The following CBX3 variants were observed in gnomAD, a reference collection of about 807,000 sequenced individuals.
The protein encoded by CBX3 is chromobox 3, also known as chromobox protein homolog 3.
A neutral mutation model predicts 22.6 loss-of-function variants in CBX3; 5 were observed. The ratio of observed to expected loss-of-function variants is 0.22; its 90% CI spans 0.12 to 0.47. CBX3 has a LOEUF of 0.47. CBX3 is among the 20% of genes least tolerant of loss of function. The probability of loss-of-function intolerance (pLI) is 0.99; values close to 1 mark genes in which losing one functional copy is unlikely to be tolerated. For synonymous variants in CBX3, 50 were observed against 66.6 expected (o/e 0.75, Z 1.21); for missense variants, 83 against 208.1 (o/e 0.40, Z 3.70).
intron 1 of CBX3, chr7:26,202,074 C>G (rs962962480): frequency 1.3e-5 from 2 of 151,714 alleles, no homozygotes; most frequent in South Asian, 2.1e-4. Flanking sequence ...GACGGTTGCC[C>G]CATTTCGAGA....
rs1484650128 is a variant in CBX3 at position 26,212,296 on chromosome 7, A to G, written c.*88A>G. ...GATTTACTAGTGTGACAAAATAACT[A>G]CATCCTAATGAAAATCAAGTTTGAT... On this transcript the variant is annotated 3_prime_UTR_variant, in exon 6 of 6. Coordinates refer to ENST00000396386, the MANE Select transcript of CBX3 (RefSeq NM_016587.4). 5.0e-5 allele frequency: 40 copies of G among 808,018 alleles called. No homozygotes were observed. Among genetic ancestry groups the G allele is most frequent in the Non-Finnish European group, 6.1e-5 (38 of 618,160 alleles). The allele number at this position is 808,018 out of a possible 1,614,324, so 50.1% of individuals were successfully genotyped here.
intron 4 of CBX3, 70 bp from the exon 5 acceptor site, chr7:26,211,592 T>C (rs1479396635): frequency 1.0e-6 from 1 of 953,240 alleles, no homozygotes; most frequent in African/African-American, 1.7e-5. Context: ...GGAATGTTTT[T>C]ATTTAAAATA....
intron 1 of CBX3, 56 bp from the exon 2 acceptor site, chr7:26,202,915 T>G (rs1386248429): frequency 1.9e-6 from 2 of 1,079,036 alleles, no homozygotes; most frequent in African/African-American, 3.1e-5. Flanking sequence ...GAATTTGTAT[T>G]TAGTTACCTT....
chr7:26,202,709 G>A (rs1053128680), intron 1 of CBX3: 1 of 432,764 alleles, frequency 2.3e-6, no homozygotes, highest in Admixed American at 4.4e-5. Context: ...GATTGGAAAA[G>A]ACATTGGTCC....
rs2128139126 is a variant in CBX3 at position 26,212,785 on chromosome 7, G to A, written c.*577G>A. 1 of 152,044 alleles carries A rather than the reference G, an allele frequency of 6.6e-6. No individual in the cohort carries two copies. Among genetic ancestry groups the A allele is most frequent in the East Asian group, 1.9e-4 (1 of 5,196 alleles). 9.4% of individuals were successfully genotyped at this position (152,044 alleles called of 1,614,324 possible). A position where few individuals can be genotyped will look rare whatever the true frequency, so the allele number is the denominator to read the frequency against. ...AAACCATACATTTCAAGTGAAATAA[G>A]TAATTCTAGATAGGACAATTTAAAT... On this transcript the variant is annotated 3_prime_UTR_variant, in exon 6 of 6. Coordinates refer to ENST00000396386, the MANE Select transcript of CBX3 (RefSeq NM_016587.4).
At chr7:26,206,826 C>T (rs569536839) in intron 3 of CBX3, among the ~76,000 whole-genome samples, 30 of 152,202 alleles carry the variant, frequency 2.0e-4, no homozygotes, top group East Asian at 9.6e-4. Context: ...GCATTATTTT[C>T]CTCCACACAG....
At position 26,212,670 on chromosome 7, in the gene CBX3, A is replaced by C. The variant is rs549563127; in HGVS notation, c.*462A>C. 2.0e-5 allele frequency: 3 copies of C among 152,280 alleles called. No homozygotes were observed. Among genetic ancestry groups the C allele is most frequent in the Non-Finnish European group, 4.4e-5 (3 of 68,062 alleles). 9.4% of individuals were successfully genotyped at this position (152,280 alleles called of 1,614,324 possible). On this transcript the variant is annotated 3_prime_UTR_variant, in exon 6 of 6. Transcript: ENST00000396386. ...GTTTTTAAGCATTCACCCAAACAAA[A>C]AAATCACAGGTAAACCCATGTTTCT...
At chr7:26,202,923 CT>C in intron 1 of CBX3, 47 bp from the exon 2 acceptor site, 6 of 1,221,096 alleles carry the variant, frequency 4.9e-6, no homozygotes, top group Admixed American at 1.8e-5. Flanking sequence ...ATTTAGTTAC[CT>C]TTTTTGTGTC....
chr7:26,209,182 C>G (rs1784750303), intron 4 of CBX3, among the ~76,000 whole-genome samples: 1 of 152,184 alleles, frequency 6.6e-6, no homozygotes, highest in South Asian at 2.1e-4. Context: ...GCTGGGATTA[C>G]AGGCGTGAAC....
At chr7:26,210,928 A>C (rs1158510270) in intron 4 of CBX3, among the ~76,000 whole-genome samples, 4 of 152,110 alleles carry the variant, frequency 2.6e-5, no homozygotes, top group Non-Finnish European at 5.9e-5. Context: ...ATCCCCAGTG[A>C]ATCCGTAGAC....
intron 2 of CBX3, 101 bp downstream of exon 2, chr7:26,203,123 T>C: frequency 1.4e-6 from 1 of 692,746 alleles, no homozygotes; most frequent in Non-Finnish European, 2.4e-6. Flanking sequence ...TACATCCACA[T>C]ATTTCCCAGC....
At chr7:26,202,791 T>G (rs1784578800) in intron 1 of CBX3, 180 bp from the exon 2 acceptor site, 1 of 591,418 alleles carries the variant, frequency 1.7e-6, no homozygotes, top group Non-Finnish European at 3.0e-6. Context: ...CTCACATGGT[T>G]AGGACACGTA....
chr7:26,202,851 T>G (rs777295441), intron 1 of CBX3, 120 bp from the exon 2 acceptor site: 42 of 723,796 alleles, frequency 5.8e-5, no homozygotes, highest in Admixed American at 2.2e-4. Flanking sequence ...CTACTCTGGA[T>G]TTGTATTCAC....
At chr7:26,209,978 A>G (rs760041645) in intron 4 of CBX3, 25 of 152,212 alleles carry the variant, frequency 1.6e-4, no homozygotes, top group Non-Finnish European at 2.2e-4. Flanking sequence ...GGTTTTGAAA[A>G]TAAATCACAT....
At chr7:26,208,336 G>A in intron 3 of CBX3, 57 bp from the exon 4 acceptor site, 1 of 1,366,052 alleles carries the variant, frequency 7.3e-7, no homozygotes, top group Non-Finnish European at 1.0e-6. Flanking sequence ...TCTGGATAAT[G>A]GTGATGAATC....
intron 2 of CBX3, among the ~76,000 whole-genome samples, chr7:26,205,026 T>G (rs964320036): frequency 5.9e-5 from 9 of 152,292 alleles, no homozygotes; most frequent in Admixed American, 4.6e-4. Context: ...TGACCTCAGA[T>G]GATCTGCCCA....
intron 3 of CBX3, among the ~76,000 whole-genome samples, chr7:26,206,863 C>T (rs976438137): frequency 2.4e-4 from 37 of 152,146 alleles, no homozygotes; most frequent in Non-Finnish European, 8.8e-5. Flanking sequence ...TGAAGCTTTA[C>T]AATATAGACT....
At chr7:26,204,162 T>C (rs1562743533) in intron 2 of CBX3, among the ~76,000 whole-genome samples, 2 of 151,982 alleles carry the variant, frequency 1.3e-5, no homozygotes, top group South Asian at 2.1e-4. Context: ...TAAAAGAAAA[T>C]AGTGAGCATT....
chr7:26,204,861 C>T (rs1784638921), intron 2 of CBX3, among the ~76,000 whole-genome samples: 1 of 152,162 alleles, frequency 6.6e-6, no homozygotes, highest in African/African-American at 2.4e-5. Flanking sequence ...GTGATCTTGG[C>T]TCACCGCAAC....
Sources: allele counts gnomAD v4.1 joint callset (sites outside exome capture counted in the v4.1 genomes callset), GRCh38; gene constraint gnomAD v4.1.1; transcripts MANE v1.5; gene names NCBI Gene and HGNC (gene_info 2026-07-23, HGNC 2026-07-21).